Variants in ZNF786 observed in about 807,000 individuals in gnomAD.
The protein encoded by ZNF786 is zinc finger protein 786.
Under a neutral mutation model 63.1 loss-of-function variants are expected in ZNF786, and 56 were observed. The ratio of observed to expected loss-of-function variants is 0.89; its 90% CI spans 0.72 to 1.11. The LOEUF (loss-of-function observed/expected upper bound fraction) is 1.11, where lower values mean the gene tolerates loss of function less well. ZNF786 is among the 50% of genes least tolerant of loss of function. The pLI is 0.00. For synonymous variants in ZNF786, 485 were observed against 406.9 expected, an observed-to-expected ratio of 1.19 and a Z score of -2.31; for missense variants, 1,213 against 1,041.8, an observed-to-expected ratio of 1.16 and a Z score of -2.26.
At chr7:149,079,529 C>T (rs1006523118) in intron 2 of ZNF786, among the ~76,000 whole-genome samples, 17 of 149,214 alleles carry the variant, frequency 1.1e-4, no homozygotes, top group African/African-American at 4.2e-4. Context: ...GCAAAAAGGA[C>T]ATCCAATACC....
rs372761363 is a variant in ZNF786, at chr7:149,072,300, C to G, written c.472G>C (p.Glu158Gln). The change falls in exon 4 of 4, where the codon GAA becomes CAA. Residue 158 changes from glutamate (E) to glutamine (Q), a missense_variant. Coordinates refer to ENST00000491431, the MANE Select transcript of ZNF786 (RefSeq NM_152411.4). ...APPPLACGPS[E>Q]STLKEGIPGP... ...GGGATTCCTTCTTTTAGGGTAGATT[C>G]ACTGGGGCCGCAGGCTAGTGGTGGA... The G allele has an allele frequency of 5.9e-5, 95 of 1,613,774 alleles. No homozygotes were observed. The highest frequency in any genetic ancestry group is 4.9e-4 in the Middle Eastern group (3 of 6,062).
At chr7:149,086,885 A>G (rs4612247) in intron 1 of ZNF786, among the ~76,000 whole-genome samples, 121,765 of 150,612 alleles carry the variant, frequency 0.81, 49,391 homozygotes, top group East Asian at 0.96. Flanking sequence ...TCCATCGCCC[A>G]GGCAGGCTGA....
rs183233655 is a variant in ZNF786, at chr7:149,088,561, C to T, written c.18+2062G>A. ...CTTGTGTTAAAGATACTCATTCTCTCCTCTTCTCTGATTAAAATTCCTTAC... is the reference window on the plus strand; with the variant it reads ...CTTGTGTTAAAGATACTCATTCTCTTCTCTTCTCTGATTAAAATTCCTTAC... On this transcript the variant is annotated intron_variant, in intron 1 of 3. Transcript: ENST00000491431. Among the ~76,000 whole-genome samples, 195 of 152,310 alleles carry T rather than the reference C, an allele frequency of 1.3e-3. 1 individual carries two copies. Among genetic ancestry groups the T allele is most frequent in the Non-Finnish European group, 9.8e-4 (67 of 68,030 alleles).
At chr7:149,075,913 T>A (rs981226545) in intron 2 of ZNF786, among the ~76,000 whole-genome samples, 1 of 151,788 alleles carries the variant, frequency 6.6e-6, no homozygotes, top group Non-Finnish European at 1.5e-5. Flanking sequence ...TCCTCCTACC[T>A]CAGCCTCCGA....
In ZNF786 at chr7:149,071,366, A is replaced by G; in HGVS notation, c.1406T>C (p.Leu469Pro). 1 of 1,613,230 alleles carries G rather than the reference A, an allele frequency of 6.2e-7. No individual in the cohort carries two copies. Among genetic ancestry groups the G allele is most frequent in the Non-Finnish European group, 8.5e-7 (1 of 1,179,780 alleles). The change falls in exon 4 of 4, where the codon CTG (leucine) becomes CCG (proline). Residue 469 changes from leucine (L) to proline (P), a missense_variant. Transcript: ENST00000491431. ...GTCCGTGTGCAGCCGCTGGTGCCGC[A>G]GCAGCTGTCCCCTCTGACGGAAGTT... ...GRNFRQRGQL[L>P]RHQRLHTDEK...
intron 3 of ZNF786, among the ~76,000 whole-genome samples, chr7:149,072,906 T>G (rs35376074): frequency 0.052 from 7,977 of 152,290 alleles, 223 homozygotes; most frequent in African/African-American, 0.073. Context: ...GCATAGTGCA[T>G]GTACTCTGTT....
chr7:149,089,312 G>A (rs1825791895), intron 1 of ZNF786, among the ~76,000 whole-genome samples: 1 of 150,868 alleles, frequency 6.6e-6, no homozygotes, highest in Admixed American at 6.6e-5. Context: ...CCGTCTGAAT[G>A]TCACAAGTTT....
At chr7:149,085,184 G>GGTTACT (rs1425838753) in intron 1 of ZNF786, among the ~76,000 whole-genome samples, 2 of 152,084 alleles carry the variant, frequency 1.3e-5, no homozygotes, top group African/African-American at 4.8e-5. Flanking sequence ...ATGCTGTTTT[G>GGTTACT]GTTACTGTAG....
intron 1 of ZNF786, among the ~76,000 whole-genome samples, chr7:149,084,133 G>A (rs1004902113): frequency 1.3e-5 from 2 of 152,022 alleles, no homozygotes; most frequent in African/African-American, 4.8e-5. Flanking sequence ...GGCCGAGGCG[G>A]GCAGATCACC....
At chr7:149,089,831 A>G (rs547635010) in intron 1 of ZNF786, among the ~76,000 whole-genome samples, 17 of 151,800 alleles carry the variant, frequency 1.1e-4, no homozygotes, top group African/African-American at 3.6e-4. Context: ...CTCCTGCCTG[A>G]GCCTCCCGAG....
In ZNF786 at chr7:149,071,894, TC is replaced by T. The variant is rs1341075761; in HGVS notation, c.877del (p.Glu293ArgfsTer88). On this transcript the variant is annotated frameshift_variant, in exon 4 of 4. Coordinates refer to ENST00000491431, the MANE Select transcript of ZNF786 (RefSeq NM_152411.4). LOFTEE classifies it high-confidence loss of function. Reference sequence around the variant, plus strand: ...GCATGGGGTGCACTGGGCAGGCTTCTCCCCCTGCTGCGGGAGGCGGTGGCTG... The same window carrying T: ...GCATGGGGTGCACTGGGCAGGCTTCTCCCCTGCTGCGGGAGGCGGTGGCTG... ...HPSHRLPQQG[E>X]KPAQCTPCGK... 6.2e-7 allele frequency: 1 copy of T among 1,603,538 alleles called. No homozygotes were observed.
At chr7:149,076,725 A>G (rs1367299048) in intron 2 of ZNF786, among the ~76,000 whole-genome samples, 5 of 151,610 alleles carry the variant, frequency 3.3e-5, no homozygotes, top group East Asian at 1.9e-4. Context: ...TCTTGAAAAA[A>G]AAAAAAAAAA....
At position 149,080,901 on chromosome 7, in the gene ZNF786, C is replaced by T. The variant is rs1041162455; in HGVS notation, c.19-184G>A. Among the ~76,000 whole-genome samples, 4 of 152,302 alleles carry T rather than the reference C, an allele frequency of 2.6e-5. No individual in the cohort carries two copies. The East Asian group carries it at 5.8e-4, about 22-fold the overall frequency. ...ATCGTTCTGCTGTTAACCACTACAT[C>T]CCCCGCTCCACGTTTCATTATGCTT... is the stretch of plus-strand genomic sequence containing the variant. On this transcript the variant is annotated intron_variant, in intron 1 of 3. Transcript: ENST00000491431.
chr7:149,085,487 G>A (rs1825720681), intron 1 of ZNF786, among the ~76,000 whole-genome samples: 1 of 152,126 alleles, frequency 6.6e-6, no homozygotes, highest in East Asian at 1.9e-4. Context: ...AGGCTGAGGT[G>A]GGAGAACTGC....
intron 3 of ZNF786, among the ~76,000 whole-genome samples, chr7:149,072,959 C>T (rs981135369): frequency 2.0e-5 from 3 of 152,172 alleles, no homozygotes; most frequent in Non-Finnish European, 4.4e-5. Flanking sequence ...GCCAGTGTAT[C>T]GCATTCTGAT....
At chr7:149,072,552 A>G in intron 3 of ZNF786, 79 bp from the exon 4 acceptor site, 1 of 1,446,210 alleles carries the variant, frequency 6.9e-7, no homozygotes, top group Non-Finnish European at 9.1e-7. Flanking sequence ...GTGACCCACA[A>G]GAGTGCCTTG....
At chr7:149,075,655 GTTTTTTTTTTTTTTTT>G (rs1165713050) in intron 2 of ZNF786, among the ~76,000 whole-genome samples, 30 of 69,468 alleles carry the variant, frequency 4.3e-4, no homozygotes, top group African/African-American at 1.8e-3. Context: ...CACACTTCAG[GTTTTTTTTTTTTTTTT>G]TTTTTTTTTT....
chr7:149,086,695 G>C (rs1825744503), intron 1 of ZNF786, among the ~76,000 whole-genome samples: 1 of 151,762 alleles, frequency 6.6e-6, no homozygotes, highest in African/African-American at 2.4e-5. Flanking sequence ...CACATGGCAA[G>C]AAGAAGCAAG....
At position 149,074,452 on chromosome 7, in the gene ZNF786, C is replaced by T; in HGVS notation, c.232G>A (p.Gly78Arg). 1 of 1,613,920 alleles carries T rather than the reference C, an allele frequency of 6.2e-7. No homozygotes were observed. The highest frequency in any genetic ancestry group is 8.5e-7 in the Non-Finnish European group (1 of 1,179,872). ...TCAACAGAGGAGCAAATTATGTTTC[C>T]TGATTTCTGTGATTCTCTCCATTTC... ...FRKWRESQKS[G>R]NIICSSVDMH... is the part of the protein sequence containing the mutation. The change falls in exon 3 of 4, where the codon GGA becomes AGA. Residue 78 changes from glycine (G) to arginine (R), a missense_variant. Transcript: ENST00000491431.
Sources: gnomAD v4.1 joint callset for allele counts (sites outside exome capture counted in the v4.1 genomes callset) on GRCh38, gnomAD v4.1.1 for gene constraint, MANE v1.5 for transcripts, NCBI Gene and HGNC (gene_info 2026-07-23, HGNC 2026-07-21) for gene names.